FRRS1: variants seen among roughly 807,000 people sequenced by gnomAD.
FRRS1 encodes the protein ferric chelate reductase 1.
FRRS1 carries 51 observed loss-of-function variants against 70.7 expected under a neutral mutation model. That is an observed-to-expected ratio of 0.72 (90% CI 0.58 to 0.91). FRRS1 has a LOEUF of 0.91. FRRS1 is among the 40% of genes least tolerant of loss of function. FRRS1 has a pLI of 0.00. For synonymous variants in FRRS1, 225 were observed against 238.7 expected (o/e 0.94, Z 0.53); for missense variants, 672 against 726.0 (o/e 0.93, Z 0.86).
At chr1:99,737,160 G>C (rs1400405672) in intron 7 of FRRS1, among the ~76,000 whole-genome samples, 1 of 152,052 alleles carries the variant, frequency 6.6e-6, no homozygotes, top group East Asian at 1.9e-4. Flanking sequence ...CTGCTCCCTA[G>C]GAAAGCGAGA....
rs560769862 is a variant in FRRS1, at chr1:99,746,346, T to C, written c.333+948A>G. Among the ~76,000 whole-genome samples, 13 of 152,284 alleles carry C rather than the reference T, an allele frequency of 8.5e-5. No homozygotes were observed. The South Asian group carries it at 1.0e-3, about 12-fold the overall frequency. On this transcript the variant is annotated intron_variant, in intron 4 of 16. Transcript: ENST00000646001. ...ATGAAAGTCTGGAAGGATTACACCA[T>C]TGAAGATACTATCGTTATTATAGAA...
At chr1:99,760,737 C>T (rs1159611593) in intron 1 of FRRS1, among the ~76,000 whole-genome samples, 1 of 152,246 alleles carries the variant, frequency 6.6e-6, no homozygotes, top group East Asian at 1.9e-4. Context: ...GCAACCTCCG[C>T]TTCCTGGGTT....
chr1:99,734,761 T>C (rs1557695545), intron 7 of FRRS1, among the ~76,000 whole-genome samples: 1 of 151,856 alleles, frequency 6.6e-6, no homozygotes, highest in Non-Finnish European at 1.5e-5. Context: ...TCACCAAGAA[T>C]GGGGAAGACA....
chr1:99,731,085 G>T (rs1466367459), intron 7 of FRRS1, among the ~76,000 whole-genome samples: 1 of 152,024 alleles, frequency 6.6e-6, no homozygotes, highest in African/African-American at 2.4e-5. Context: ...TCAAAAAGCA[G>T]ACTGTCAATT....
rs776107694 is a variant in FRRS1 at position 99,706,516 on chromosome 1, G to A, written c.*2512C>T. ...CATATGAAGCACTGAAAAAGAAAAAGTTAAAATATCTTAGCCTCAACACTC... is the reference window on the plus strand; with the variant it reads ...CATATGAAGCACTGAAAAAGAAAAAATTAAAATATCTTAGCCTCAACACTC... On this transcript the variant is annotated 3_prime_UTR_variant, in exon 17 of 17. Coordinates refer to ENST00000646001, the MANE Select transcript of FRRS1 (RefSeq NM_001361041.2). Among the ~76,000 whole-genome samples the A allele has an allele frequency of 1.7e-4, 26 of 151,980 alleles. No individual in the cohort carries two copies. Among genetic ancestry groups the A allele is most frequent in the Admixed American group, 9.8e-4 (15 of 15,246 alleles).
chr1:99,740,740 T>C, intron 6 of FRRS1, 53 bp downstream of exon 6: 1 of 1,291,480 alleles, frequency 7.7e-7, no homozygotes, highest in Non-Finnish European at 1.1e-6. Context: ...GAGACCGGCC[T>C]GGGCAACATG....
chr1:99,747,144 T>G, intron 4 of FRRS1, 150 bp downstream of exon 4: 1 of 559,522 alleles, frequency 1.8e-6, no homozygotes, highest in Non-Finnish European at 3.2e-6. Context: ...ATCAACTATT[T>G]GTTATCAGTA....
chr1:99,755,995 C>T (rs1286279231), intron 1 of FRRS1, among the ~76,000 whole-genome samples: 1 of 152,098 alleles, frequency 6.6e-6, no homozygotes, highest in Non-Finnish European at 1.5e-5. Context: ...TTTTAAGGTA[C>T]AACTTTTTTT....
chr1:99,763,585 C>T (rs1385300649), intron 1 of FRRS1, among the ~76,000 whole-genome samples: 1 of 152,060 alleles, frequency 6.6e-6, no homozygotes, highest in Admixed American at 6.6e-5. Flanking sequence ...ATGTATCTTA[C>T]AGTTCGGGCG....
chr1:99,747,443 C>A lies in FRRS1; in HGVS notation c.197-13G>T. 6.2e-7 allele frequency: 1 copy of A among 1,602,506 alleles called. No individual in the cohort carries two copies. The highest frequency in any genetic ancestry group is 2.2e-5 in the East Asian group (1 of 44,752). Reference sequence around the variant, plus strand: ...CCTGACAAAGTAACTGAGAAAAAGACAAAAGGGTTGGTTAAAAAGCTTAGT... The same window carrying A: ...CCTGACAAAGTAACTGAGAAAAAGAAAAAAGGGTTGGTTAAAAAGCTTAGT... On this transcript the variant is annotated splice_polypyrimidine_tract_variant and intron_variant, in intron 3 of 16. Coordinates refer to ENST00000646001, the MANE Select transcript of FRRS1 (RefSeq NM_001361041.2).
At chr1:99,735,791 A>ATAAC (rs1443911661) in intron 7 of FRRS1, among the ~76,000 whole-genome samples, 1 of 152,242 alleles carries the variant, frequency 6.6e-6, no homozygotes, top group Non-Finnish European at 1.5e-5. Context: ...TTAGAACAGA[A>ATAAC]TAACTGACCT....
chr1:99,735,853 T>C (rs1285321675), intron 7 of FRRS1, among the ~76,000 whole-genome samples: 2 of 152,190 alleles, frequency 1.3e-5, no homozygotes, highest in African/African-American at 4.8e-5. Flanking sequence ...CTTTCCCTCT[T>C]GCTTACAGGT....
chr1:99,754,547 A>T (rs1656741252), intron 1 of FRRS1, among the ~76,000 whole-genome samples: 1 of 152,202 alleles, frequency 6.6e-6, no homozygotes, highest in South Asian at 2.1e-4. Context: ...TCCAGAAGGC[A>T]GAAAATCATT....
At chr1:99,717,581 T>A in intron 10 of FRRS1, 56 bp from the exon 11 acceptor site, 1 of 1,187,446 alleles carries the variant, frequency 8.4e-7, no homozygotes, top group Non-Finnish European at 1.3e-6. Flanking sequence ...AGCCATCGCT[T>A]AAATGACCAA....
intron 7 of FRRS1, among the ~76,000 whole-genome samples, chr1:99,735,622 T>G (rs1655614606): frequency 6.6e-6 from 1 of 152,220 alleles, no homozygotes; most frequent in Non-Finnish European, 1.5e-5. Context: ...TTTTAATCAT[T>G]AAACAGGATT....
At chr1:99,735,095 G>A (rs558814609) in intron 7 of FRRS1, among the ~76,000 whole-genome samples, 35 of 152,294 alleles carry the variant, frequency 2.3e-4, no homozygotes, top group African/African-American at 8.2e-4. Flanking sequence ...CTTGAAAATT[G>A]TGACTTTAAG....
At chr1:99,753,105 T>G (rs1386119841) in intron 1 of FRRS1, among the ~76,000 whole-genome samples, 3 of 151,018 alleles carry the variant, frequency 2.0e-5, no homozygotes, top group African/African-American at 7.3e-5. Flanking sequence ...CCCAGCTACT[T>G]AAGAGGCTGA....
In FRRS1 at chr1:99,746,361, T is replaced by A. The variant is rs569739942; in HGVS notation, c.333+933A>T. On this transcript the variant is annotated intron_variant, in intron 4 of 16. Transcript: ENST00000646001. ...GATTACACCATTGAAGATACTATCG[T>A]TATTATAGAAAAAGCCAAGACAGCC... Among the ~76,000 whole-genome samples, 140 of 152,290 alleles carry A rather than the reference T, an allele frequency of 9.2e-4. No individual in the cohort carries two copies. The Middle Eastern group carries it at 0.034, about 37-fold the overall frequency.
intron 4 of FRRS1, among the ~76,000 whole-genome samples, chr1:99,745,315 T>A (rs918924491): frequency 2.0e-5 from 3 of 152,140 alleles, no homozygotes; most frequent in African/African-American, 7.2e-5. Flanking sequence ...CAATAAGAAA[T>A]CTTTGTCTGG....
Sources: gnomAD v4.1 joint callset for allele counts (sites outside exome capture counted in the v4.1 genomes callset) on GRCh38, gnomAD v4.1.1 for gene constraint, MANE v1.5 for transcripts, NCBI Gene and HGNC (gene_info 2026-07-23, HGNC 2026-07-21) for gene names.